NME7: variants seen among roughly 807,000 people sequenced by gnomAD.
The protein encoded by NME7 is NME/NM23 family member 7, also known as nucleoside diphosphate kinase 7.
Under a neutral mutation model 49.1 loss-of-function variants are expected in NME7, and 41 were observed. The observed-to-expected ratio is 0.83, with a 90% CI of 0.65 to 1.08. The LOEUF (loss-of-function observed/expected upper bound fraction) is 1.08, where lower values mean the gene tolerates loss of function less well. Ranked by LOEUF, NME7 falls within the 50% of genes least tolerant of loss-of-function variation. The pLI is 0.00. For synonymous variants in NME7, 139 were observed against 150.6 expected (o/e 0.92, Z 0.56); for missense variants, 423 against 463.4 (o/e 0.91, Z 0.80).
chr1:169,182,148 G>A (rs934522820), intron 10 of NME7, among the ~76,000 whole-genome samples: 1 of 141,960 alleles, frequency 7.0e-6, no homozygotes, highest in Non-Finnish European at 1.5e-5. Flanking sequence ...CGGACTACAG[G>A]TGCATGCCAC....
At chr1:169,169,042 T>G (rs141184129) in intron 11 of NME7, 3 of 447,132 alleles carry the variant, frequency 6.7e-6, no homozygotes, top group African/African-American at 4.1e-5. Context: ...CAGAATTTAA[T>G]TATTTTAAAA....
chr1:169,228,646 C>T (rs12403181), intron 10 of NME7, among the ~76,000 whole-genome samples: 11,940 of 146,336 alleles, frequency 0.082, 659 homozygotes, highest in Admixed American at 0.18. Context: ...CACTGCAGTC[C>T]GCAGTCCGGC....
chr1:169,293,181 A>G (rs761751158), intron 6 of NME7, among the ~76,000 whole-genome samples: 10 of 151,930 alleles, frequency 6.6e-5, no homozygotes, highest in Non-Finnish European at 1.2e-4. Context: ...CTGTAGTCCT[A>G]GCTACTTGGG....
intron 7 of NME7, among the ~76,000 whole-genome samples, chr1:169,245,002 G>A (rs1648250537): frequency 6.6e-6 from 1 of 152,078 alleles, no homozygotes; most frequent in African/African-American, 2.4e-5. Flanking sequence ...AGTGCCACAT[G>A]CCTGTAATCC....
rs114413670 is a variant in NME7, at chr1:169,159,388, C to T, written c.1098+10059G>A. ...TACCTTCAGATCTCAAATTATGGGG[C>T]GGAAAAATAAAAGTTCTCATTTTTA... On this transcript the variant is annotated intron_variant, in intron 11 of 11. Coordinates refer to ENST00000367811, the MANE Select transcript of NME7 (RefSeq NM_013330.5). Among the ~76,000 whole-genome samples the T allele has an allele frequency of 6.0e-3, 912 of 152,050 alleles. 7 individuals are homozygous for T. Among genetic ancestry groups the T allele is most frequent in the African/African-American group, 0.021 (869 of 41,476 alleles).
rs1649640351 is a variant in NME7, at chr1:169,274,903, T to C, written c.754+12400A>G. On this transcript the variant is annotated intron_variant, in intron 7 of 11. Coordinates refer to ENST00000367811, the MANE Select transcript of NME7 (RefSeq NM_013330.5). ...TATAGTTTGAAGTCAGGTAGCGTGA[T>C]GCCTCCAGCTTTGTTCTTTTGGCTT... is the stretch of plus-strand genomic sequence containing the variant. 1.5e-5 allele frequency among the ~76,000 whole-genome samples: 2 copies of C among 133,716 alleles called. 1 individual carries two copies. The highest frequency in any genetic ancestry group is 4.6e-4 in the South Asian group (2 of 4,312). The allele number at this position is 133,716 out of a possible 152,430, so 87.7% of individuals were successfully genotyped here.
At chr1:169,253,958 C>A (rs12753198) in intron 7 of NME7, among the ~76,000 whole-genome samples, 9,790 of 147,502 alleles carry the variant, frequency 0.066, 1,293 homozygotes, top group East Asian at 0.65. Context: ...TGCTGGATTC[C>A]TTTTGCCAGT....
intron 3 of NME7, among the ~76,000 whole-genome samples, chr1:169,314,079 T>G (rs1016184786): frequency 7.3e-6 from 1 of 136,794 alleles, no homozygotes; most frequent in Non-Finnish European, 1.6e-5. Context: ...CAAACTGAGT[T>G]TTCTATTAGT....
At chr1:169,293,932 T>C (rs368498517) in intron 6 of NME7, among the ~76,000 whole-genome samples, 27 of 152,012 alleles carry the variant, frequency 1.8e-4, no homozygotes, top group Admixed American at 3.3e-4. Context: ...TGTCATAGAC[T>C]TTTTTTTAAC....
Position 169,230,739 on chromosome 1 carries a change from T to A in NME7, c.969A>T (p.Glu323Asp). 6.2e-7 allele frequency: 1 copy of A among 1,602,246 alleles called. No homozygotes were observed. The highest frequency in any genetic ancestry group is 8.5e-7 in the Non-Finnish European group (1 of 1,174,552). ...TTACAGGATCAGCAGGTCCACAAAA[T>A]TCTCGAAATGTCTTTGTAGCATTAT... ...QQNNATKTFREFCGPADPEIA... is the reference protein window; with the variant it reads ...QQNNATKTFRDFCGPADPEIA... The change falls in exon 10 of 12, where the codon GAA (glutamate) becomes GAT (aspartate). Residue 323 changes from glutamate (E) to aspartate (D), a missense_variant. Transcript: ENST00000367811.
At chr1:169,189,289 C>A (rs1178864973) in intron 10 of NME7, among the ~76,000 whole-genome samples, 1 of 151,358 alleles carries the variant, frequency 6.6e-6, no homozygotes, top group Admixed American at 6.7e-5. Context: ...ACTACAGATA[C>A]TTTTTGTTAC....
chr1:169,271,308 T>C (rs1168746717), intron 7 of NME7, among the ~76,000 whole-genome samples: 2 of 133,596 alleles, frequency 1.5e-5, no homozygotes, highest in Non-Finnish European at 3.5e-5. Context: ...AACTTCACTG[T>C]TGGCTTCAGG....
At chr1:169,169,069 C>A (rs4656656) in intron 11 of NME7, 160,991 of 457,968 alleles carry the variant, frequency 0.35, 30,655 homozygotes, top group East Asian at 0.72. Context: ...TGTATGCCAA[C>A]CAGAAAAAAA....
intron 7 of NME7, chr1:169,247,108 A>G (rs1220906354): frequency 2.2e-5 from 10 of 455,506 alleles, no homozygotes; most frequent in Non-Finnish European, 4.4e-5. Flanking sequence ...AAGAACAGCT[A>G]TACCTTGGTT....
intron 7 of NME7, among the ~76,000 whole-genome samples, chr1:169,254,326 T>C (rs1378088916): frequency 6.6e-6 from 1 of 152,118 alleles, no homozygotes; most frequent in East Asian, 1.9e-4. Flanking sequence ...ATCCATTTCT[T>C]CTCGATTTTC....
In NME7 at chr1:169,367,169, GAA is replaced by G. The variant is rs1653901025; in HGVS notation, c.3+537_3+538del. The stretch of plus-strand genomic sequence containing the variant: ...AAAAAAAAAAGAAGAAGAAAGAAAA[GAA>G]AAGAGAAAAGAAAAGCAAGCACAGA... On this transcript the variant is annotated intron_variant, in intron 1 of 11. Coordinates refer to ENST00000367811, the MANE Select transcript of NME7 (RefSeq NM_013330.5). 6.6e-5 allele frequency among the ~76,000 whole-genome samples: 10 copies of G among 151,914 alleles called. 1 individual carries two copies. The highest frequency in any genetic ancestry group is 6.5e-4 in the Admixed American group (10 of 15,274).
intron 7 of NME7, among the ~76,000 whole-genome samples, chr1:169,269,376 G>A (rs534839690): frequency 4.5e-5 from 6 of 133,904 alleles, no homozygotes; most frequent in Admixed American, 4.4e-4. Flanking sequence ...CTCCAAAATG[G>A]TGACATTCTA....
chr1:169,171,113 AT>A (rs2101846170), intron 10 of NME7, among the ~76,000 whole-genome samples: 1 of 152,246 alleles, frequency 6.6e-6, no homozygotes, highest in African/African-American at 2.4e-5. Flanking sequence ...TCTCTATCAA[AT>A]TTTGTTTGAT....
intron 7 of NME7, among the ~76,000 whole-genome samples, chr1:169,244,260 G>T (rs1193886768): frequency 1.3e-5 from 2 of 152,040 alleles, no homozygotes; most frequent in African/African-American, 4.8e-5. Flanking sequence ...CAATTTGGCA[G>T]AAAAAGGAGG....
Sources: allele counts gnomAD v4.1 joint callset (sites outside exome capture counted in the v4.1 genomes callset), GRCh38; gene constraint gnomAD v4.1.1; transcripts MANE v1.5; gene names NCBI Gene and HGNC (gene_info 2026-07-23, HGNC 2026-07-21).